The following TPM1 variants were observed in gnomAD, a reference collection of about 807,000 sequenced individuals.
The protein encoded by TPM1 is tropomyosin alpha-1 chain.
Under a neutral mutation model 42.9 loss-of-function variants are expected in TPM1, and 24 were observed. That is an observed-to-expected ratio of 0.56 (90% confidence interval 0.41 to 0.79). The LOEUF (loss-of-function observed/expected upper bound fraction) is 0.79. TPM1 is among the 30% of genes least tolerant of loss of function. The pLI is 0.00. For synonymous variants in TPM1, 136 were observed against 130.1 expected (o/e 1.05, Z -0.31); for missense variants, 158 against 351.8 (o/e 0.45, Z 4.41).
At chr15:63,044,932 A>T (rs2032062011) in intron 2 of TPM1, 1 of 152,174 alleles carries the variant, frequency 6.6e-6, no homozygotes, top group Non-Finnish European at 1.5e-5. Flanking sequence ...GGCTCTCCTA[A>T]GCTCTTTGTC....
In TPM1 at chr15:63,056,786, T is replaced by C. The variant is rs1596359462; in HGVS notation, c.241-199T>C. Reference sequence around the variant, plus strand: ...GTGTATAGATTTGTGTATACACAAATATGGATGTTCACTGTATAAATCAAT... The same window carrying C: ...GTGTATAGATTTGTGTATACACAAACATGGATGTTCACTGTATAAATCAAT... On this transcript the variant is annotated intron_variant, in intron 2 of 9. Coordinates refer to ENST00000403994, the MANE Select transcript of TPM1 (RefSeq NM_001018005.2). The C allele has an allele frequency of 4.4e-6, 3 of 688,576 alleles. No individual in the cohort carries two copies. In the East Asian group the frequency reaches 7.8e-5, roughly 18 times the overall value. 42.7% of individuals were successfully genotyped at this position (688,576 alleles called of 1,614,324 possible). A position where few individuals can be genotyped will look rare whatever the true frequency, so the allele number is the denominator to read the frequency against.
chr15:63,054,474 G>A (rs2034457117), intron 2 of TPM1: 1 of 152,260 alleles, frequency 6.6e-6, no homozygotes, highest in Non-Finnish European at 1.5e-5. Flanking sequence ...ATGAACATGA[G>A]GTGCTGTTTC....
chr15:63,069,022 G>A (rs1333674922), downstream of TPM1, among the ~76,000 whole-genome samples: 3 of 151,996 alleles, frequency 2.0e-5, no homozygotes, highest in African/African-American at 4.8e-5. Context: ...GCGTGGTGGC[G>A]GGCGCCTGTA....
Position 63,057,005 on chromosome 15 carries a change from T to G in TPM1, c.261T>G (p.Ser87=), listed in dbSNP as rs1490391015. The G allele has an allele frequency of 6.2e-7, 1 of 1,614,212 alleles. No individual in the cohort carries two copies. ...CCTAGGCTGAAGCCGACGTAGCTTC[T>G]CTGAACAGACGCATCCAGCTGGTTG... ...KATDAEADVA[S]LNRRIQLVEE... The change falls in exon 3 of 10, where the codon TCT becomes TCG. Residue 87 remains serine, a synonymous_variant. Coordinates refer to ENST00000403994, the MANE Select transcript of TPM1 (RefSeq NM_001018005.2).
intron 2 of TPM1, chr15:63,044,464 A>C: frequency 1.7e-6 from 1 of 591,156 alleles, no homozygotes; most frequent in East Asian, 2.8e-5. Context: ...TGGTGGCAGA[A>C]AACCCTTGAG....
intron 5 of TPM1, chr15:63,061,477 C>T: frequency 2.7e-6 from 2 of 729,536 alleles, no homozygotes; most frequent in Non-Finnish European, 4.8e-6. Context: ...AAAAAAGGAG[C>T]CAAATTATCG....
chr15:63,061,040 G>C lies in TPM1; in HGVS notation c.563+101G>C, dbSNP rs531245837. The C allele has an allele frequency of 5.9e-6, 9 of 1,521,028 alleles. No homozygotes were observed. The Admixed American group carries it at 1.6e-4, about 27-fold the overall frequency. 94.2% of individuals were successfully genotyped at this position (1,521,028 alleles called of 1,614,324 possible). A position where few individuals can be genotyped will look rare whatever the true frequency, so the allele number is the denominator to read the frequency against. On this transcript the variant is annotated intron_variant, in intron 5 of 9. Transcript: ENST00000403994. ...GCTGCACATTACCTGTTTCAGCTCC[G>C]GGCTCCTTTTGTGCTCATTTGATGT...
chr15:63,048,397 G>C (rs1245166866), intron 2 of TPM1: 1 of 1,355,000 alleles, frequency 7.4e-7, no homozygotes, highest in African/African-American at 1.6e-5. Flanking sequence ...TGTCTGCGCA[G>C]CCCTGGAGGC....
At position 63,065,353 on chromosome 15, in the gene TPM1, C is replaced by T. The variant is rs368281777; in HGVS notation, c.852-543C>T. On this transcript the variant is annotated intron_variant, in intron 9 of 9. Coordinates refer to ENST00000403994, the MANE Select transcript of TPM1 (RefSeq NM_001018005.2). ...GAAGCTGGAAATGTCATTTTCCAAG[C>T]CCACCTGTCATTCATTTACCCATGC... The T allele has an allele frequency of 7.1e-6, 7 of 989,460 alleles. No individual in the cohort carries two copies. In the South Asian group the frequency reaches 2.3e-4, roughly 33 times the overall value. 61.3% of individuals were successfully genotyped at this position (989,460 alleles called of 1,614,324 possible).
At chr15:63,047,160 G>A (rs1007000373) in intron 2 of TPM1, 11 of 152,240 alleles carry the variant, frequency 7.2e-5, no homozygotes, top group Non-Finnish European at 1.5e-4. Flanking sequence ...TGAACCGCGG[G>A]GAAACAAAGC....
downstream of TPM1, chr15:63,070,468 G>A: frequency 1.0e-6 from 1 of 994,226 alleles, no homozygotes; most frequent in East Asian, 1.1e-4. Context: ...TTGTCTGAAA[G>A]GTATGCTTTA....
chr15:63,065,378 C>T (rs1408430920), intron 9 of TPM1: 63 of 989,920 alleles, frequency 6.4e-5, no homozygotes, highest in Non-Finnish European at 7.1e-5. Flanking sequence ...TTTACCCATG[C>T]AGAAAAAATG....
At position 63,065,971 on chromosome 15, in the gene TPM1, G is replaced by T; in HGVS notation, c.*72G>T. The T allele has an allele frequency of 6.3e-7, 1 of 1,589,774 alleles. No homozygotes were observed. Among genetic ancestry groups the T allele is most frequent in the Non-Finnish European group, 8.6e-7 (1 of 1,167,988 alleles). ...TCCCACCTCTCTGAGCTCTGCATTTGTCTATTCTCCAGCTGACCCTGGTTC... is the reference window on the plus strand; with the variant it reads ...TCCCACCTCTCTGAGCTCTGCATTTTTCTATTCTCCAGCTGACCCTGGTTC... On this transcript the variant is annotated 3_prime_UTR_variant, in exon 10 of 10. Transcript: ENST00000403994.
chr15:63,053,437 G>T (rs2034255221), intron 2 of TPM1, among the ~76,000 whole-genome samples: 1 of 152,090 alleles, frequency 6.6e-6, no homozygotes, highest in Non-Finnish European at 1.5e-5. Flanking sequence ...CGGCATGCTG[G>T]GAGCCTAGTG....
intron 2 of TPM1, chr15:63,048,762 G>A: frequency 6.6e-7 from 1 of 1,510,858 alleles, no homozygotes; most frequent in Non-Finnish European, 8.8e-7. Context: ...TCCCGGGGCA[G>A]CCCCGCAGGG....
chr15:63,043,920 C>G, intron 1 of TPM1, 107 bp from the exon 2 acceptor site: 1 of 1,554,820 alleles, frequency 6.4e-7, no homozygotes, highest in Non-Finnish European at 8.7e-7. Context: ...CTCTGTCTCT[C>G]CCGCTGTCCC....
intron 3 of TPM1, 119 bp from the exon 4 acceptor site, chr15:63,059,444 G>A: frequency 2.8e-6 from 2 of 723,808 alleles, no homozygotes; most frequent in Non-Finnish European, 5.0e-6. Context: ...AATAAAAGTA[G>A]CTCTGTGCTC....
chr15:63,052,556 C>T (rs576357954), intron 2 of TPM1, among the ~76,000 whole-genome samples: 53 of 151,984 alleles, frequency 3.5e-4, no homozygotes, highest in African/African-American at 1.3e-3. Flanking sequence ...AAAGCTAACT[C>T]AGTACACTAA....
intron 2 of TPM1, among the ~76,000 whole-genome samples, chr15:63,051,425 A>G (rs1021070331): frequency 2.6e-5 from 4 of 152,110 alleles, no homozygotes; most frequent in Admixed American, 2.0e-4. Flanking sequence ...TGCCTTGTTC[A>G]TGTCTGTTCT....
Sources: gnomAD v4.1 joint callset for allele counts (sites outside exome capture counted in the v4.1 genomes callset) on GRCh38, gnomAD v4.1.1 for gene constraint, MANE v1.5 for transcripts, NCBI Gene and HGNC (gene_info 2026-07-23, HGNC 2026-07-21) for gene names.